HLCS: variants seen among roughly 807,000 people sequenced by gnomAD.
HLCS encodes biotin--protein ligase.
A neutral mutation model predicts 75.0 loss-of-function variants in HLCS; 53 were observed. That is an observed-to-expected ratio of 0.71 (90% CI 0.57 to 0.89). HLCS has a LOEUF of 0.89. Ranked by LOEUF, HLCS falls within the 40% of genes least tolerant of loss-of-function variation. The probability of loss-of-function intolerance (pLI) is 0.00; values close to 1 mark genes in which losing one functional copy is unlikely to be tolerated. For synonymous variants in HLCS, 431 were observed against 428.6 expected, an observed-to-expected ratio of 1.01 and a Z score of -0.07; for missense variants, 966 against 1,074.0, an observed-to-expected ratio of 0.90 and a Z score of 1.41.
intron 6 of HLCS, among the ~76,000 whole-genome samples, chr21:36,830,020 C>T (rs896347673): frequency 2.0e-4 from 31 of 152,134 alleles, no homozygotes; most frequent in African/African-American, 7.2e-4. Flanking sequence ...TTTCCAGAGG[C>T]GATTAAGTTA....
chr21:36,878,739 C>T (rs1034361042), intron 6 of HLCS, among the ~76,000 whole-genome samples: 3 of 152,128 alleles, frequency 2.0e-5, no homozygotes, highest in African/African-American at 7.2e-5. Context: ...GACATATTAG[C>T]TAGCCTGATT....
Position 36,809,743 on chromosome 21 carries a change from T to C in HLCS, c.1893-42458A>G, listed in dbSNP as rs78427486. On this transcript the variant is annotated intron_variant, in intron 6 of 10. Transcript: ENST00000674895. Reference sequence around the variant, plus strand: ...TGTTATTTCATTTAGGATAGTTTTGTTTTGCTTTGCTTTGAGACAAGGTCT... The same window carrying C: ...TGTTATTTCATTTAGGATAGTTTTGCTTTGCTTTGCTTTGAGACAAGGTCT... Among the ~76,000 whole-genome samples the C allele has an allele frequency of 3.0e-4, 45 of 152,318 alleles. No homozygotes were observed. In the East Asian group the frequency reaches 6.8e-3, roughly 23 times the overall value.
intron 6 of HLCS, among the ~76,000 whole-genome samples, chr21:36,789,923 C>G (rs939641022): frequency 6.6e-6 from 1 of 152,096 alleles, no homozygotes; most frequent in Non-Finnish European, 1.5e-5. Context: ...TGTATCTGAT[C>G]ATTTCTTAAG....
At chr21:36,814,621 G>A (rs1250868664) in intron 6 of HLCS, among the ~76,000 whole-genome samples, 1 of 152,266 alleles carries the variant, frequency 6.6e-6, no homozygotes, top group South Asian at 2.1e-4. Flanking sequence ...TCTAAGAAGG[G>A]GTAGAGGTGA....
rs558525705 is a variant in HLCS at position 36,754,165 on chromosome 21, A to C, written c.*81T>G. On this transcript the variant is annotated 3_prime_UTR_variant, in exon 11 of 11. Transcript: ENST00000674895. ...GACTTAACAAATGAATTGGAGGAAA[A>C]GAAAATTCACCTACAACTCTAAATT... 8 of 1,383,048 alleles carry C rather than the reference A, an allele frequency of 5.8e-6. No individual in the cohort carries two copies. In the Admixed American group the frequency reaches 1.3e-4, roughly 22 times the overall value. The allele number at this position is 1,383,048 out of a possible 1,614,324, so 85.7% of individuals were successfully genotyped here.
intron 6 of HLCS, among the ~76,000 whole-genome samples, chr21:36,777,201 C>T (rs577367770): frequency 6.6e-6 from 1 of 152,328 alleles, no homozygotes; most frequent in South Asian, 2.1e-4. Flanking sequence ...TTACACAGAA[C>T]AGTTTCCCTG....
At chr21:36,911,023 G>A (rs192470488) in intron 5 of HLCS, among the ~76,000 whole-genome samples, 257 of 152,258 alleles carry the variant, frequency 1.7e-3, no homozygotes, top group African/African-American at 5.9e-3. Flanking sequence ...GGACACCCTC[G>A]GGCCAAAATG....
intron 6 of HLCS, among the ~76,000 whole-genome samples, chr21:36,830,400 C>T (rs769802008): frequency 1.3e-5 from 2 of 152,186 alleles, no homozygotes; most frequent in Non-Finnish European, 2.9e-5. Context: ...GCGAGGAATG[C>T]GTGCTTTGTT....
chr21:36,923,062 C>A (rs1197068286), intron 5 of HLCS, among the ~76,000 whole-genome samples: 1 of 152,218 alleles, frequency 6.6e-6, no homozygotes, highest in Non-Finnish European at 1.5e-5. Flanking sequence ...GCCGCACCCA[C>A]CGCCAGCTCT....
At chr21:36,828,611 AG>A (rs1451425997) in intron 6 of HLCS, among the ~76,000 whole-genome samples, 1 of 152,240 alleles carries the variant, frequency 6.6e-6, no homozygotes, top group Non-Finnish European at 1.5e-5. Context: ...TCACATTAGA[AG>A]GGGTTCTTCC....
At chr21:36,782,829 T>G (rs1180261127) in intron 6 of HLCS, among the ~76,000 whole-genome samples, 1 of 151,570 alleles carries the variant, frequency 6.6e-6, no homozygotes, top group Non-Finnish European at 1.5e-5. Context: ...AAAATACTAC[T>G]AAAAATTAGC....
intron 6 of HLCS, among the ~76,000 whole-genome samples, chr21:36,876,166 G>A (rs73902776): frequency 0.077 from 11,770 of 152,118 alleles, 810 homozygotes; most frequent in East Asian, 0.24. Context: ...TGGCTCACCC[G>A]TGGCAGGCAT....
intron 6 of HLCS, among the ~76,000 whole-genome samples, chr21:36,793,007 A>G (rs1348200291): frequency 6.6e-6 from 1 of 152,168 alleles, no homozygotes; most frequent in Non-Finnish European, 1.5e-5. Flanking sequence ...CATGCTCAGC[A>G]TCCTTGGGGG....
chr21:36,819,721 G>A (rs1403562145), intron 6 of HLCS, among the ~76,000 whole-genome samples: 1 of 152,026 alleles, frequency 6.6e-6, no homozygotes, highest in African/African-American at 2.4e-5. Flanking sequence ...GGTGTTAAAG[G>A]CCACACAGCT....
chr21:36,958,811 TTGTC>T (rs750346271), intron 2 of HLCS, among the ~76,000 whole-genome samples: 51 of 152,304 alleles, frequency 3.3e-4, no homozygotes, highest in Non-Finnish European at 5.1e-4. Context: ...AAAGAAAACT[TTGTC>T]TGTCACTTAG....
intron 2 of HLCS, among the ~76,000 whole-genome samples, chr21:36,959,897 G>A (rs566155406): frequency 7.9e-5 from 12 of 152,286 alleles, no homozygotes; most frequent in African/African-American, 1.2e-4. Flanking sequence ...ACATGTCCCC[G>A]TACTCACTAC....
At chr21:36,985,652 G>C (rs2069214832) in intron 1 of HLCS, among the ~76,000 whole-genome samples, 1 of 152,104 alleles carries the variant, frequency 6.6e-6, no homozygotes, top group Non-Finnish European at 1.5e-5. Context: ...TGTAGTCCCA[G>C]GTACTCAGGA....
chr21:36,891,502 T>C (rs2064783660), intron 6 of HLCS, among the ~76,000 whole-genome samples: 1 of 152,170 alleles, frequency 6.6e-6, no homozygotes, highest in Non-Finnish European at 1.5e-5. Context: ...CAGCCTGATA[T>C]GGAGGAGATG....
chr21:36,790,273 G>A (rs1195376933), intron 6 of HLCS, among the ~76,000 whole-genome samples: 1 of 152,064 alleles, frequency 6.6e-6, no homozygotes, highest in East Asian at 1.9e-4. Context: ...GTGTGGTGGG[G>A]TGCACCTGTA....
Sources: gnomAD v4.1 joint callset for allele counts (sites outside exome capture counted in the v4.1 genomes callset) on GRCh38, gnomAD v4.1.1 for gene constraint, MANE v1.5 for transcripts, NCBI Gene and HGNC (gene_info 2026-07-23, HGNC 2026-07-21) for gene names.